The following GMDS variants were observed in gnomAD, a reference collection of about 807,000 sequenced individuals.
The protein encoded by GMDS is GDP-mannose 4,6 dehydratase.
GMDS carries 20 observed loss-of-function variants against 49.9 expected under a neutral mutation model. The observed-to-expected ratio is 0.40, with a 90% CI of 0.28 to 0.58. The LOEUF is 0.58. Among genes scored for constraint, GMDS ranks in the 20% least tolerant of loss-of-function variants. The pLI is 0.42. For synonymous variants in GMDS, 177 were observed against 178.6 expected, an observed-to-expected ratio of 0.99 and a Z score of 0.07; for missense variants, 362 against 481.4, an observed-to-expected ratio of 0.75 and a Z score of 2.32.
intron 1 of GMDS, among the ~76,000 whole-genome samples, chr6:2,208,059 C>G (rs2127580901): frequency 6.6e-6 from 1 of 152,030 alleles, no homozygotes; most frequent in Non-Finnish European, 1.5e-5. Flanking sequence ...GTCATGAAAA[C>G]ATAAGCTTTA....
At chr6:1,754,681 C>T (rs181095908) in intron 7 of GMDS, among the ~76,000 whole-genome samples, 148 of 152,248 alleles carry the variant, frequency 9.7e-4, no homozygotes, top group Middle Eastern at 3.4e-3. Context: ...TTATCCACCA[C>T]GATCAAGTCG....
In GMDS at chr6:2,117,513, C is replaced by T. The variant is rs759353627; in HGVS notation, c.191G>A (p.Arg64Gln). 6.2e-7 allele frequency: 1 copy of T among 1,609,784 alleles called. No homozygotes were observed. Among genetic ancestry groups the T allele is most frequent in the Non-Finnish European group, 8.5e-7 (1 of 1,176,100 alleles). Residue 64 changes from arginine to glutamine, a missense_variant, in exon 3 of 11, where the codon CGA becomes CAA. Transcript: ENST00000380815. ...GGGATTCTTATACAGATGCTCAATT[C>T]GACCCGTATTAAATGAACTGGACCG... ...VRRSSSFNTG[R>Q]IEHLYKNPQA...
At chr6:1,633,857 G>C (rs1283912006) in intron 9 of GMDS, among the ~76,000 whole-genome samples, 1 of 152,124 alleles carries the variant, frequency 6.6e-6, no homozygotes, top group African/African-American at 2.4e-5. Context: ...TGGTCACAAG[G>C]CTCTGCTGTC....
At chr6:1,682,498 C>G (rs1581452331) in intron 9 of GMDS, among the ~76,000 whole-genome samples, 1 of 152,208 alleles carries the variant, frequency 6.6e-6, no homozygotes, top group Non-Finnish European at 1.5e-5. Flanking sequence ...TGTGTGCCCA[C>G]TAGGCCAGGC....
intron 7 of GMDS, among the ~76,000 whole-genome samples, chr6:1,856,199 G>A (rs1161611480): frequency 1.3e-5 from 2 of 152,216 alleles, no homozygotes; most frequent in African/African-American, 4.8e-5. Flanking sequence ...GCTGGTGTAT[G>A]TGTCTTTAAA....
At chr6:2,037,821 G>C (rs1769394024) in intron 4 of GMDS, among the ~76,000 whole-genome samples, 1 of 152,060 alleles carries the variant, frequency 6.6e-6, no homozygotes, top group Non-Finnish European at 1.5e-5. Flanking sequence ...GGTTTCTAAA[G>C]GAGCCTGAAA....
intron 9 of GMDS, among the ~76,000 whole-genome samples, chr6:1,663,222 T>C (rs1034634490): frequency 1.3e-5 from 2 of 152,316 alleles, no homozygotes; most frequent in African/African-American, 4.8e-5. Context: ...TTGGGGTGTC[T>C]CTGCACCCTT....
At chr6:1,679,853 A>G (rs907528539) in intron 9 of GMDS, 5 of 152,220 alleles carry the variant, frequency 3.3e-5, no homozygotes, top group African/African-American at 1.2e-4. Flanking sequence ...CCAGACCACA[A>G]AGGGGCAGAG....
At chr6:1,874,851 G>T (rs1420113139) in intron 7 of GMDS, among the ~76,000 whole-genome samples, 1 of 152,104 alleles carries the variant, frequency 6.6e-6, no homozygotes, top group East Asian at 1.9e-4. Context: ...TAGTAATAAA[G>T]ACACAGATGA....
chr6:1,924,275 T>C lies in GMDS; in HGVS notation c.771+5828A>G, dbSNP rs1023263139. 2.0e-5 allele frequency among the ~76,000 whole-genome samples: 3 copies of C among 152,254 alleles called. No individual in the cohort carries two copies. In the East Asian group the frequency reaches 5.8e-4, roughly 29 times the overall value. On this transcript the variant is annotated intron_variant, in intron 7 of 10. Transcript: ENST00000380815. ...CCTGCCACCTCCACACAAAAAAGGATGCAGGTATATGACGTTAAATTCTGA... is the reference window on the plus strand; with the variant it reads ...CCTGCCACCTCCACACAAAAAAGGACGCAGGTATATGACGTTAAATTCTGA...
intron 7 of GMDS, among the ~76,000 whole-genome samples, chr6:1,765,205 A>G (rs1273583052): frequency 1.3e-5 from 2 of 152,228 alleles, no homozygotes; most frequent in Admixed American, 6.5e-5. Flanking sequence ...ACCGGATTCT[A>G]ACTTAAGCAT....
Position 1,833,727 on chromosome 6 carries a change from C to G in GMDS, c.772-91141G>C, listed in dbSNP as rs967194422. On this transcript the variant is annotated intron_variant, in intron 7 of 10. Transcript: ENST00000380815. The surrounding 1 kb of genome is among the most constrained non-coding windows in gnomAD (Gnocchi z 4.4). The stretch of plus-strand genomic sequence containing the variant: ...AAGGTTGTTTAAAAAACCATTTTCA[C>G]ATGGAAGGGCAGTGGGTTGAAAGAT... 6.6e-6 allele frequency among the ~76,000 whole-genome samples: 1 copy of G among 152,160 alleles called. No individual in the cohort carries two copies. The highest frequency in any genetic ancestry group is 1.5e-5 in the Non-Finnish European group (1 of 68,038).
chr6:2,056,898 T>C (rs945893134), intron 4 of GMDS, among the ~76,000 whole-genome samples: 1 of 152,200 alleles, frequency 6.6e-6, no homozygotes, highest in African/African-American at 2.4e-5. Context: ...TTAACCTCAT[T>C]ATATTTTTTA....
chr6:2,060,756 G>A (rs554118745), intron 4 of GMDS, among the ~76,000 whole-genome samples: 93 of 152,282 alleles, frequency 6.1e-4, no homozygotes, highest in African/African-American at 2.2e-3. Flanking sequence ...GGGGCCGGGC[G>A]CGGTGACTCA....
chr6:1,805,607 C>G (rs912739083), intron 7 of GMDS, among the ~76,000 whole-genome samples: 2 of 152,198 alleles, frequency 1.3e-5, no homozygotes, highest in Non-Finnish European at 2.9e-5. Context: ...GTTAAGAGAA[C>G]TCAACTGTCT....
intron 4 of GMDS, among the ~76,000 whole-genome samples, chr6:2,060,201 G>A (rs1241926767): frequency 6.6e-6 from 1 of 152,080 alleles, no homozygotes; most frequent in Non-Finnish European, 1.5e-5. Flanking sequence ...CGACCCTGGC[G>A]TACTGTTCCC....
chr6:2,073,349 C>T (rs898707523), intron 4 of GMDS, among the ~76,000 whole-genome samples: 2 of 152,130 alleles, frequency 1.3e-5, no homozygotes, highest in East Asian at 3.9e-4. Flanking sequence ...TTATAGGCTG[C>T]TTTAAAAACA....
rs773023600 is a variant in GMDS at position 1,930,246 on chromosome 6, A to G, written c.644-16T>C. ...AAATTAGCTCCTAAAAAGAGGCAAA[A>G]GATGTAGTATCAGTCAAGTGCACTT... On this transcript the variant is annotated splice_polypyrimidine_tract_variant and intron_variant, in intron 6 of 10. Transcript: ENST00000380815. The G allele has an allele frequency of 6.2e-7, 1 of 1,610,976 alleles. No individual in the cohort carries two copies. The highest frequency in any genetic ancestry group is 8.5e-7 in the Non-Finnish European group (1 of 1,178,016).
intron 9 of GMDS, among the ~76,000 whole-genome samples, chr6:1,630,292 T>C (rs1159444837): frequency 2.0e-5 from 3 of 152,396 alleles, no homozygotes; most frequent in East Asian, 1.9e-4. Context: ...GGCGGTCCTC[T>C]TTCCTCCATG....
Sources: allele counts gnomAD v4.1 joint callset (sites outside exome capture counted in the v4.1 genomes callset), GRCh38; gene constraint gnomAD v4.1.1; non-coding constraint Gnocchi (gnomAD v3.1); transcripts MANE v1.5; gene names NCBI Gene and HGNC (gene_info 2026-07-23, HGNC 2026-07-21).